RECQL4: variants seen among roughly 807,000 people sequenced by gnomAD.
RECQL4 encodes ATP-dependent DNA helicase Q4.
RECQL4 carries 158 observed loss-of-function variants against 128.6 expected under a neutral mutation model. The ratio of observed to expected loss-of-function variants is 1.23; its 90% CI spans 1.08 to 1.40. The LOEUF is 1.40. RECQL4 is among the 40% of genes most tolerant of loss of function. The pLI is 0.00. For missense variants in RECQL4, 2,293 were observed against 1,649.8 expected (o/e 1.39, Z -6.75); for synonymous variants, 996 against 678.9 (o/e 1.47, Z -7.26).
Position 144,517,688 on chromosome 8 carries a change from G to A in RECQL4, c.84+13C>T, listed in dbSNP as rs1371425552. On this transcript the variant is annotated intron_variant, in intron 1 of 20. Coordinates refer to ENST00000617875, the MANE Select transcript of RECQL4 (RefSeq NM_004260.4). ...CCGCGCCCTCAGCCCCTCGGCCCCT[G>A]GGCAGCCCGCACCTGGCTCGGTCGC... 1.4e-6 allele frequency: 2 copies of A among 1,429,404 alleles called. No individual in the cohort carries two copies. The allele number at this position is 1,429,404 out of a possible 1,614,324, so 88.5% of individuals were successfully genotyped here.
Position 144,511,492 on chromosome 8 carries a change from T to A in RECQL4, c.3566A>T (p.His1189Leu), listed in dbSNP as rs1827181327. The A allele has an allele frequency of 6.2e-7, 1 of 1,612,520 alleles. No individual in the cohort carries two copies. Among genetic ancestry groups the A allele is most frequent in the Non-Finnish European group, 8.5e-7 (1 of 1,179,790 alleles). The change falls in exon 21 of 21, where the codon CAC becomes CTC. Residue 1189 changes from histidine (H) to leucine (L), a missense_variant. Transcript: ENST00000617875. ...QDRRFWRKYL[H>L]LSFHALVGLA... ...GCCCACCAGGGCATGGAAGCTCAGG[T>A]GCAGGTATTTTCTCCAGAAGCGTCG...
chr8:144,513,213 C>T lies in RECQL4; in HGVS notation c.2463+5G>A, dbSNP rs1264630646. 5 of 1,562,410 alleles carry T rather than the reference C, an allele frequency of 3.2e-6. No homozygotes were observed. Among genetic ancestry groups the T allele is most frequent in the Middle Eastern group, 1.9e-4 (1 of 5,186 alleles). Reference sequence around the variant, plus strand: ...ACTGGCAGTGTGGGGGGGGGGGGTGCCAACCTGGGGCTGCAGGAAGAGGTG... The same window carrying T: ...ACTGGCAGTGTGGGGGGGGGGGGTGTCAACCTGGGGCTGCAGGAAGAGGTG... On this transcript the variant is annotated splice_donor_5th_base_variant and intron_variant, in intron 14 of 20. Coordinates refer to ENST00000617875, the MANE Select transcript of RECQL4 (RefSeq NM_004260.4).
rs558061753 is a variant in RECQL4 at position 144,513,717 on chromosome 8, TGAG to T, written c.2059-8_2059-6del. The stretch of plus-strand genomic sequence containing the variant: ...TTGCAGCAGCGTCAACAGTGCCTGA[TGAG>T]GAGCGGTTGGCGTGGGCAGTGGGGA... On this transcript the variant is annotated splice_polypyrimidine_tract_variant and splice_region_variant and intron_variant, in intron 12 of 20. Transcript: ENST00000617875. 1,105 of 1,545,812 alleles carry T rather than the reference TGAG, an allele frequency of 7.1e-4. 6 individuals are homozygous for T. In the African/African-American group the frequency reaches 9.1e-3, roughly 13 times the overall value.
Position 144,512,174 on chromosome 8 carries a change from C to T in RECQL4, c.3206G>A (p.Arg1069His), listed in dbSNP as rs752847936. 39 of 1,611,158 alleles carry T rather than the reference C, an allele frequency of 2.4e-5. No individual in the cohort carries two copies. The highest frequency in any genetic ancestry group is 7.7e-5 in the South Asian group (7 of 90,972). ...VQARERQALA[R>H]LRRTFQAFHS... The stretch of plus-strand genomic sequence containing the variant: ...AAAGGCCTGGAAGGTTCTGCGCAGA[C>T]GGGCCAGGGCCTGGCGCTCCCGGGC... Residue 1069 changes from arginine to histidine, a missense_variant, in exon 18 of 21, where the codon CGT becomes CAT. Transcript: ENST00000617875.
At position 144,512,385 on chromosome 8, in the gene RECQL4, G is replaced by A. The variant is rs372511135; in HGVS notation, c.3055+7C>T. ...TCCAGGGCGGTGTGGGGTGGGGAGAGGCGCACCTGTCCTGGGCTCGTGGTC... is the reference window on the plus strand; with the variant it reads ...TCCAGGGCGGTGTGGGGTGGGGAGAAGCGCACCTGTCCTGGGCTCGTGGTC... On this transcript the variant is annotated splice_region_variant and intron_variant, in intron 17 of 20. Coordinates refer to ENST00000617875, the MANE Select transcript of RECQL4 (RefSeq NM_004260.4). 1.9e-6 allele frequency: 3 copies of A among 1,607,256 alleles called. No homozygotes were observed. The highest frequency in any genetic ancestry group is 1.7e-5 in the Admixed American group (1 of 59,870).
chr8:144,517,002 G>A (rs766532232), intron 4 of RECQL4, 48 bp downstream of exon 4: 17 of 1,572,784 alleles, frequency 1.1e-5, no homozygotes, highest in Non-Finnish European at 1.7e-6. Context: ...ACCCGGACCG[G>A]AAGCAGCTGT....
In RECQL4 at chr8:144,515,838, GCAC is replaced by G. The variant is rs1828087096; in HGVS notation, c.1181_1183del (p.Gly394del). 3.1e-6 allele frequency: 5 copies of G among 1,612,676 alleles called. No individual in the cohort carries two copies. Among genetic ancestry groups the G allele is most frequent in the Non-Finnish European group, 2.5e-6 (3 of 1,179,756 alleles). ...ACAAGACTCCTTGGTTGTGACTGTG[GCAC>G]CACCACCCCCAAAACACTCCCCTTT... is the stretch of plus-strand genomic sequence containing the variant. On this transcript the variant is annotated inframe_deletion, in exon 6 of 21. Transcript: ENST00000617875.
rs1318317428 is a variant in RECQL4 at position 144,514,981 on chromosome 8, G to C, written c.1575C>G (p.Cys525Trp). The stretch of plus-strand genomic sequence containing the variant: ...GCAGGGGAGAGACGACCAACGTGAG[G>C]CAGGGGCTGCGCCGGCTGTAGAGCA... ...PALLYSRRSPCLTLVVSPLLS... is the reference protein window; with the variant it reads ...PALLYSRRSPWLTLVVSPLLS... The change falls in exon 9 of 21, where the codon TGC becomes TGG. Residue 525 changes from cysteine to tryptophan, a missense_variant. Cys to Trp is a radical substitution (Grantham distance 215). Coordinates refer to ENST00000617875, the MANE Select transcript of RECQL4 (RefSeq NM_004260.4). 1 of 1,611,882 alleles carries C rather than the reference G, an allele frequency of 6.2e-7. No homozygotes were observed. Among genetic ancestry groups the C allele is most frequent in the Non-Finnish European group, 8.5e-7 (1 of 1,179,612 alleles).
At position 144,511,337 on chromosome 8, in the gene RECQL4, C is replaced by A; in HGVS notation, c.*94G>T. ...TTCTGCATTTTGGAGCCTCCTCGTT[C>A]CCACACCCTGTGGCAGGTTTTGCCC... On this transcript the variant is annotated 3_prime_UTR_variant, in exon 21 of 21. Coordinates refer to ENST00000617875, the MANE Select transcript of RECQL4 (RefSeq NM_004260.4). 6.3e-7 allele frequency: 1 copy of A among 1,579,940 alleles called. No homozygotes were observed. The highest frequency in any genetic ancestry group is 8.6e-7 in the Non-Finnish European group (1 of 1,157,480).
Position 144,517,077 on chromosome 8 carries a change from G to C in RECQL4, c.327C>G (p.Leu109=). The change falls in exon 4 of 21, where the codon CTC becomes CTG. Residue 109 remains leucine (L), a synonymous_variant. Transcript: ENST00000617875. ...QGSVPDYGQR[L]KANLKGTLQA... is the part of the protein sequence containing the mutation. ...GCAGGGTGCCTTTCAGATTGGCCTTGAGCCGCTGCCCGTAGTCCGGCACCG... is the reference window on the plus strand; with the variant it reads ...GCAGGGTGCCTTTCAGATTGGCCTTCAGCCGCTGCCCGTAGTCCGGCACCG... The C allele has an allele frequency of 6.2e-7, 1 of 1,612,182 alleles. No individual in the cohort carries two copies. The highest frequency in any genetic ancestry group is 8.5e-7 in the Non-Finnish European group (1 of 1,179,534).
rs768462738 is a variant in RECQL4 at position 144,514,096 on chromosome 8, C to T, written c.1890G>A (p.Glu630=). ...CYLRVCKVLR[E]RMGVHCFLGL... ...CCAGGAAGCAGTGCACGCCCATGCG[C>T]TCCCGAAGCACCTGCACCAGAGGCG... is the stretch of plus-strand genomic sequence containing the variant. Residue 630 remains glutamate (E), a synonymous_variant, in exon 12 of 21, where the codon GAG becomes GAA. Transcript: ENST00000617875. The T allele has an allele frequency of 1.2e-6, 2 of 1,603,478 alleles. No individual in the cohort carries two copies. The highest frequency in any genetic ancestry group is 1.7e-6 in the Non-Finnish European group (2 of 1,175,946).
rs762667669 is a variant in RECQL4, at chr8:144,514,007, T to C, written c.1979A>G (p.Glu660Gly). 15 of 1,569,804 alleles carry C rather than the reference T, an allele frequency of 9.6e-6. No individual in the cohort carries two copies. The highest frequency in any genetic ancestry group is 1.1e-5 in the Non-Finnish European group (13 of 1,158,432). The stretch of plus-strand genomic sequence containing the variant: ...GGCTGGCCCGTGGAGGTCAGGCTCT[T>C]CAGCCACAGCCAGGTGCTGTGCCAC... Reference protein sequence around the residue: ...SDVAQHLAVAEEPDLHGPAPV... With the variant: ...SDVAQHLAVAGEPDLHGPAPV... The change falls in exon 12 of 21, where the codon GAA becomes GGA. Residue 660 changes from glutamate to glycine, a missense_variant. Coordinates refer to ENST00000617875, the MANE Select transcript of RECQL4 (RefSeq NM_004260.4).
At position 144,514,311 on chromosome 8, in the gene RECQL4, C is replaced by T. The variant is rs878854643; in HGVS notation, c.1756G>A (p.Gly586Arg). The T allele has an allele frequency of 6.2e-7, 1 of 1,609,658 alleles. No homozygotes were observed. Among genetic ancestry groups the T allele is most frequent in the African/African-American group, 1.3e-5 (1 of 74,860 alleles). ...GCGGCTGGAGGGAGGCCTCCCGCCC[C>T]CACCAGTGCCTCAGGTGTCAGCATC... is the stretch of plus-strand genomic sequence containing the variant. ...VLMLTPEALV[G>R]AGGLPPAAQL... The change falls in exon 11 of 21, where the codon GGG (glycine) becomes AGG (arginine). Residue 586 changes from glycine (G) to arginine (R), a missense_variant. Transcript: ENST00000617875.
chr8:144,517,536 A>G, intron 2 of RECQL4, 28 bp from the exon 3 acceptor site: 1 of 1,561,028 alleles, frequency 6.4e-7, no homozygotes, highest in Middle Eastern at 2.1e-4. Flanking sequence ...AGGCGGGGTC[A>G]GGGTGGGGCC....
In RECQL4 at chr8:144,512,577, AAG is replaced by A. The variant is rs2094045300; in HGVS notation, c.2886-18_2886-17del. The A allele has an allele frequency of 6.2e-7, 1 of 1,612,228 alleles. No individual in the cohort carries two copies. Among genetic ancestry groups the A allele is most frequent in the African/African-American group, 1.3e-5 (1 of 75,008 alleles). On this transcript the variant is annotated splice_polypyrimidine_tract_variant and intron_variant, in intron 16 of 20. Coordinates refer to ENST00000617875, the MANE Select transcript of RECQL4 (RefSeq NM_004260.4). ...AGGGGGACACCTGTGCCCAGGGAAA[AAG>A]GGACATGTGGCCAACAGCCCTGATT... is the stretch of plus-strand genomic sequence containing the variant.
rs149632635 is a variant in RECQL4, at chr8:144,516,863, G to A, written c.355-99C>T. 2,074 of 1,386,824 alleles carry A rather than the reference G, an allele frequency of 1.5e-3. 6 individuals carry two copies. The highest frequency in any genetic ancestry group is 1.8e-3 in the Non-Finnish European group (1,825 of 1,030,964). The allele number at this position is 1,386,824 out of a possible 1,614,324, so 85.9% of individuals were successfully genotyped here. The stretch of plus-strand genomic sequence containing the variant: ...GTCCCCACGCTCAATTGTAGAGCAG[G>A]CTAATTAGCACAAGGCTGGACTAGA... On this transcript the variant is annotated intron_variant, in intron 4 of 20. Coordinates refer to ENST00000617875, the MANE Select transcript of RECQL4 (RefSeq NM_004260.4).
rs1171892293 is a variant in RECQL4 at position 144,516,563 on chromosome 8, G to A, written c.556C>T (p.Leu186=). Reference sequence around the variant, plus strand: ...CATCGCTGTAACCAGCCAGGATCTAGGGAGCCCAGCCGCTGGCTCAGGGAT... The same window carrying A: ...CATCGCTGTAACCAGCCAGGATCTAAGGAGCCCAGCCGCTGGCTCAGGGAT... The part of the protein sequence containing the change: ...QASLSQRLGS[L]DPGWLQRCHS... Residue 186 remains leucine (L), a synonymous_variant, in exon 5 of 21, where the codon CTA becomes TTA. Coordinates refer to ENST00000617875, the MANE Select transcript of RECQL4 (RefSeq NM_004260.4). 6.2e-7 allele frequency: 1 copy of A among 1,609,678 alleles called. No homozygotes were observed. The highest frequency in any genetic ancestry group is 8.5e-7 in the Non-Finnish European group (1 of 1,178,886).
chr8:144,513,067 C>G lies in RECQL4; in HGVS notation c.2535G>C (p.Leu845=). 1 of 1,578,794 alleles carries G rather than the reference C, an allele frequency of 6.3e-7. No homozygotes were observed. Among genetic ancestry groups the G allele is most frequent in the South Asian group, 1.1e-5 (1 of 86,960 alleles). Reference sequence around the variant, plus strand: ...TGCAGGCTGGGAACACGCGCTGTACCAGCCTCTTCACAGCCAGGAAGTCCG... The same window carrying G: ...TGCAGGCTGGGAACACGCGCTGTACGAGCCTCTTCACAGCCAGGAAGTCCG... ...DSTDFLAVKR[L]VQRVFPACTC... Residue 845 remains leucine (L), a synonymous_variant, in exon 15 of 21, where the codon CTG becomes CTC. Transcript: ENST00000617875.
At position 144,511,417 on chromosome 8, in the gene RECQL4, C is replaced by T. The variant is rs776609989; in HGVS notation, c.*14G>A. 1 of 1,611,270 alleles carries T rather than the reference C, an allele frequency of 6.2e-7. No individual in the cohort carries two copies. Among genetic ancestry groups the T allele is most frequent in the South Asian group, 1.1e-5 (1 of 91,064 alleles). ...CAACCCCAGCTCTACCCGACATCCC[C>T]CAATGCAGTGCAGTCAGCGGGCCAC... On this transcript the variant is annotated 3_prime_UTR_variant, in exon 21 of 21. Transcript: ENST00000617875.
Sources: gnomAD v4.1 joint callset for allele counts on GRCh38, gnomAD v4.1.1 for gene constraint, MANE v1.5 for transcripts, NCBI Gene and HGNC (gene_info 2026-07-23, HGNC 2026-07-21) for gene names.